Variants in FNDC3A observed in about 807,000 individuals in gnomAD.
FNDC3A encodes fibronectin type III domain containing 3A.
A neutral mutation model predicts 148.9 loss-of-function variants in FNDC3A; 32 were observed. The observed-to-expected ratio is 0.21, with a 90% CI of 0.16 to 0.29. FNDC3A has a LOEUF of 0.29. Among genes scored for constraint, FNDC3A ranks in the 10% least tolerant of loss-of-function variants. The pLI, the probability that FNDC3A is intolerant of heterozygous loss-of-function variation, is 1.00. For missense variants in FNDC3A, 1,191 were observed against 1,452.8 expected (o/e 0.82, Z 2.93); for synonymous variants, 472 against 473.6 (o/e 1.00, Z 0.04).
At chr13:49,016,370 G>A (rs1161483833) in intron 2 of FNDC3A, among the ~76,000 whole-genome samples, 1 of 152,106 alleles carries the variant, frequency 6.6e-6, no homozygotes, top group Admixed American at 6.5e-5. Context: ...ATTTCTTCTA[G>A]ATTTTCTAGT....
At chr13:49,150,481 C>G (rs1449377658) in intron 8 of FNDC3A, among the ~76,000 whole-genome samples, 2 of 151,930 alleles carry the variant, frequency 1.3e-5, no homozygotes, top group African/African-American at 4.8e-5. Context: ...TAATTTGTTC[C>G]AAGAATTTTT....
chr13:49,066,870 C>T (rs2137756622), intron 2 of FNDC3A, among the ~76,000 whole-genome samples: 1 of 152,216 alleles, frequency 6.6e-6, no homozygotes, highest in East Asian at 1.9e-4. Context: ...TTCTTAATGA[C>T]TATTCCTTTT....
intron 8 of FNDC3A, among the ~76,000 whole-genome samples, chr13:49,162,482 G>C (rs1166102037): frequency 1.3e-5 from 2 of 152,098 alleles, no homozygotes; most frequent in Non-Finnish European, 2.9e-5. Context: ...TCTTCTCTAT[G>C]CTGTATATTC....
At chr13:48,977,887 C>A (rs1951631368) in intron 1 of FNDC3A, among the ~76,000 whole-genome samples, 2 of 152,042 alleles carry the variant, frequency 1.3e-5, no homozygotes, top group South Asian at 4.2e-4. Context: ...TGTAGGTTAA[C>A]TGGAAAATTT....
intron 2 of FNDC3A, among the ~76,000 whole-genome samples, chr13:49,025,289 G>A (rs1236620040): frequency 1.3e-5 from 2 of 151,956 alleles, no homozygotes; most frequent in Admixed American, 6.5e-5. Context: ...GATTTAGATA[G>A]CTTTTCTCAT....
At chr13:49,120,405 A>G (rs1275978149) in intron 4 of FNDC3A, among the ~76,000 whole-genome samples, 1 of 152,016 alleles carries the variant, frequency 6.6e-6, no homozygotes, top group East Asian at 1.9e-4. Context: ...TGTAAAGACC[A>G]TCGACTCTAT....
At chr13:49,041,813 CAAAA>C (rs771071135) in intron 2 of FNDC3A, among the ~76,000 whole-genome samples, 2 of 64,308 alleles carry the variant, frequency 3.1e-5, no homozygotes, top group Non-Finnish European at 3.4e-5. Context: ...GACTCTGTCT[CAAAA>C]AAAAAAAAAA....
intron 2 of FNDC3A, among the ~76,000 whole-genome samples, chr13:49,053,142 C>G (rs1875970767): frequency 6.6e-6 from 1 of 152,202 alleles, no homozygotes; most frequent in Admixed American, 6.5e-5. Context: ...TGCCCCAGAT[C>G]ATGAGCCTCC....
intron 7 of FNDC3A, among the ~76,000 whole-genome samples, chr13:49,142,505 A>C (rs936017535): frequency 6.6e-6 from 1 of 152,150 alleles, no homozygotes; most frequent in Non-Finnish European, 1.5e-5. Context: ...CTACCACTCC[A>C]CATACACACA....
chr13:49,142,169 A>C (rs1882727277), intron 7 of FNDC3A, among the ~76,000 whole-genome samples: 1 of 152,194 alleles, frequency 6.6e-6, no homozygotes. Flanking sequence ...GTTCATGTAG[A>C]ACTGTATCTC....
At chr13:49,143,874 G>A (rs1026364949) in intron 7 of FNDC3A, among the ~76,000 whole-genome samples, 2 of 152,022 alleles carry the variant, frequency 1.3e-5, no homozygotes, top group Non-Finnish European at 2.9e-5. Context: ...GCTGGGCATA[G>A]TGACTCACAC....
chr13:48,978,110 G>A (rs1027919960), intron 1 of FNDC3A, among the ~76,000 whole-genome samples: 1 of 151,864 alleles, frequency 6.6e-6, no homozygotes, highest in Non-Finnish European at 1.5e-5. Flanking sequence ...TTTTGGTGAC[G>A]TCTGTGTCTT....
intron 2 of FNDC3A, among the ~76,000 whole-genome samples, chr13:49,035,737 A>C (rs918908389): frequency 6.6e-6 from 1 of 152,070 alleles, no homozygotes; most frequent in Non-Finnish European, 1.5e-5. Context: ...AGAGTGCCTA[A>C]CATATAGTAG....
At chr13:49,192,787 T>C (rs1184999085) in intron 19 of FNDC3A, among the ~76,000 whole-genome samples, 1 of 152,234 alleles carries the variant, frequency 6.6e-6, no homozygotes, top group African/African-American at 2.4e-5. Flanking sequence ...ATATTTACTT[T>C]CCGTATTTCC....
chr13:49,207,015 C>T (rs188314699), intron 25 of FNDC3A, 66 bp from the exon 26 acceptor site: 1 of 1,136,538 alleles, frequency 8.8e-7, no homozygotes, highest in East Asian at 2.4e-5. Flanking sequence ...CTAACACTAG[C>T]CAGTTTTAAC....
chr13:48,981,493 T>C (rs1397600919), intron 1 of FNDC3A, among the ~76,000 whole-genome samples: 2 of 151,846 alleles, frequency 1.3e-5, no homozygotes, highest in African/African-American at 4.8e-5. Context: ...TTTTTTTTTT[T>C]AAGACCAGAG....
intron 2 of FNDC3A, among the ~76,000 whole-genome samples, chr13:49,051,595 G>C (rs1875846993): frequency 6.6e-6 from 1 of 152,170 alleles, no homozygotes; most frequent in Non-Finnish European, 1.5e-5. Context: ...TTGCCTCACA[G>C]CTCTTAAGAT....
At chr13:49,082,770 A>G (rs1878562286) in intron 3 of FNDC3A, among the ~76,000 whole-genome samples, 1 of 152,098 alleles carries the variant, frequency 6.6e-6, no homozygotes, top group Non-Finnish European at 1.5e-5. Context: ...GGGAATTCAC[A>G]CAAGAAGGCA....
chr13:49,088,769 T>A (rs1309601620), intron 3 of FNDC3A, among the ~76,000 whole-genome samples: 1 of 152,192 alleles, frequency 6.6e-6, no homozygotes, highest in African/African-American at 2.4e-5. Flanking sequence ...CTCGCTATGT[T>A]GCCCAGGCTG....
Sources: allele counts gnomAD v4.1 joint callset (sites outside exome capture counted in the v4.1 genomes callset), GRCh38; gene constraint gnomAD v4.1.1; transcripts MANE v1.5; gene names NCBI Gene and HGNC (gene_info 2026-07-23, HGNC 2026-07-21).